Variants in NFRKB observed in about 807,000 individuals in gnomAD.
NFRKB encodes the protein nuclear factor related to kappa-B-binding protein.
In NFRKB, 62 loss-of-function variants were observed where a neutral mutation model predicts 135.7. That is an observed-to-expected ratio of 0.46 (90% CI 0.37 to 0.56). NFRKB has a LOEUF of 0.56. Among genes scored for constraint, NFRKB ranks in the 20% least tolerant of loss-of-function variants. The pLI is 0.00. For missense variants in NFRKB, 1,545 were observed against 1,662.0 expected (o/e 0.93, Z 1.22); for synonymous variants, 678 against 635.6 (o/e 1.07, Z -1.00).
chr11:129,881,954 T>C (rs1949048459), intron 11 of NFRKB, 101 bp from the exon 12 acceptor site: 5 of 1,507,322 alleles, frequency 3.3e-6, no homozygotes, highest in Non-Finnish European at 4.4e-6. Flanking sequence ...CCGGTGTTTG[T>C]CCGAATCACA....
At chr11:129,881,669 A>G in intron 12 of NFRKB, 58 bp downstream of exon 12, 2 of 1,596,286 alleles carry the variant, frequency 1.3e-6, no homozygotes, top group Non-Finnish European at 1.7e-6. Flanking sequence ...AGTTTATTCT[A>G]ATAATTAATT....
At chr11:129,888,335 A>G (rs1448453362) in intron 4 of NFRKB, 1 of 637,560 alleles carries the variant, frequency 1.6e-6, no homozygotes. Flanking sequence ...GAAATGTTTT[A>G]TTTTTTTATG....
Position 129,869,993 on chromosome 11 carries a change from T to C in NFRKB, c.3032A>G (p.His1011Arg). ...TGCATGTACTGGATTGGAAGTGACGTGTAAGGTGGCAGAGATGCCTTTGCC... is the reference window on the plus strand; with the variant it reads ...TGCATGTACTGGATTGGAAGTGACGCGTAAGGTGGCAGAGATGCCTTTGCC... ...TTGKGISATL[H>R]VTSNPVHAAD... Residue 1011 changes from histidine to arginine, a missense_variant, in exon 24 of 27, where the codon CAC (histidine) becomes CGC (arginine). By Grantham distance (29) the His-to-Arg change is conservative. Transcript: ENST00000682444. 6.2e-7 allele frequency: 1 copy of C among 1,614,190 alleles called. No homozygotes were observed. Among genetic ancestry groups the C allele is most frequent in the Non-Finnish European group, 8.5e-7 (1 of 1,180,028 alleles).
rs1042127819 is a variant in NFRKB at position 129,873,913 on chromosome 11, C to G, written c.2382G>C (p.Val794=). 6.2e-7 allele frequency: 1 copy of G among 1,613,808 alleles called. No homozygotes were observed. Among genetic ancestry groups the G allele is most frequent in the African/African-American group, 1.3e-5 (1 of 75,060 alleles). The change falls in exon 22 of 27, where the codon GTG becomes GTC. Residue 794 remains valine, a synonymous_variant. Coordinates refer to ENST00000682444, the MANE Select transcript of NFRKB (RefSeq NM_001143835.2). ...APSSQAAARV[V]SHSGSAGLSQ... ...ACAGTCCAGCAGAGCCAGAGTGGCT[C>G]ACGACCCGGGCGGCAGCCTGAGAAC...
At chr11:129,888,274 C>G in intron 4 of NFRKB, 1 of 591,014 alleles carries the variant, frequency 1.7e-6, no homozygotes, top group Non-Finnish European at 3.0e-6. Context: ...ATGGCAAGCT[C>G]TTTTTAAAAT....
chr11:129,878,231 G>A, intron 15 of NFRKB, 78 bp downstream of exon 15: 1 of 1,460,744 alleles, frequency 6.8e-7, no homozygotes, highest in African/African-American at 1.4e-5. Flanking sequence ...AGCATACCAA[G>A]AAGTATTAAC....
In NFRKB at chr11:129,895,547, C is replaced by G. The variant is rs978247990; in HGVS notation, c.-153G>C. The stretch of plus-strand genomic sequence containing the variant: ...CCCGCAGCCCTTCTCCGGCCGCGGG[C>G]TCCCAGACGCACTCGCTCCCGCAAG... On this transcript the variant is annotated 5_prime_UTR_variant, in exon 1 of 27. Transcript: ENST00000682444. 6.6e-6 allele frequency: 1 copy of G among 152,324 alleles called. No homozygotes were observed. The highest frequency in any genetic ancestry group is 1.5e-5 in the Non-Finnish European group (1 of 68,152). The allele number at this position is 152,324 out of a possible 1,614,324, so 9.4% of individuals were successfully genotyped here.
chr11:129,874,185 G>C lies in NFRKB; in HGVS notation c.2207C>G (p.Ser736Cys), dbSNP rs773667985. The change falls in exon 21 of 27, where the codon TCC becomes TGC. Residue 736 changes from serine (S) to cysteine (C), a missense_variant. Ser to Cys is a moderately radical substitution (Grantham distance 112). Around this residue, in one of 3 missense-constraint regions of NFRKB, gnomAD observed 753 missense variants for 804.3 expected, o/e 0.94. Transcript: ENST00000682444. This position sits in a 1 kb window ranked among gnomAD's most constrained non-coding sequence, Gnocchi z 4.5. ...GTTCACTGCCGATACAGGTGGAGGG[G>C]AGATGGGAATGGCGGGCAATGCTGG... The part of the protein sequence containing the change: ...TTPALPAIPI[S>C]PPPVSAVNKS... 1 of 1,521,154 alleles carries C rather than the reference G, an allele frequency of 6.6e-7. No individual in the cohort carries two copies. The highest frequency in any genetic ancestry group is 8.8e-7 in the Non-Finnish European group (1 of 1,136,286). 94.2% of individuals were successfully genotyped at this position (1,521,154 alleles called of 1,614,324 possible).
chr11:129,864,959 G>A lies in NFRKB; in HGVS notation c.3774+7C>T. ...GGATATGGCCAAGAATTTGCCCTGG[G>A]CCTTACCTGTGTGGCCTGACCTTGC... On this transcript the variant is annotated splice_region_variant and intron_variant, in intron 26 of 26. Coordinates refer to ENST00000682444, the MANE Select transcript of NFRKB (RefSeq NM_001143835.2). 1 of 1,613,412 alleles carries A rather than the reference G, an allele frequency of 6.2e-7. No individual in the cohort carries two copies. Among genetic ancestry groups the A allele is most frequent in the Non-Finnish European group, 8.5e-7 (1 of 1,179,656 alleles).
At chr11:129,880,898 T>C (rs1280110035) in intron 13 of NFRKB, among the ~76,000 whole-genome samples, 1 of 152,188 alleles carries the variant, frequency 6.6e-6, no homozygotes, top group Non-Finnish European at 1.5e-5. Flanking sequence ...TGCCTGTGAA[T>C]TTCAAGAAGA....
At chr11:129,872,731 G>C (rs1948573355) in intron 23 of NFRKB, 153 bp downstream of exon 23, 5 of 693,122 alleles carry the variant, frequency 7.2e-6, no homozygotes, top group Non-Finnish European at 1.2e-5. Flanking sequence ...CTTTGCCTTT[G>C]GTGGGAACTC....
rs1948405234 is a variant in NFRKB at position 129,869,757 on chromosome 11, T to C, written c.3268A>G (p.Ile1090Val). Residue 1090 changes from isoleucine to valine, a missense_variant, in exon 24 of 27, where the codon ATC becomes GTC. Coordinates refer to ENST00000682444, the MANE Select transcript of NFRKB (RefSeq NM_001143835.2). ...GGCATCACTCCCAGTCCCTGCACGA[T>C]GCGGATCGTGGCAGCTGGTTTTGCT... ...SEAKPAATIR[I>V]VQGLGVMPPK... is the part of the protein sequence containing the mutation. The C allele has an allele frequency of 1.9e-6, 3 of 1,614,254 alleles. No homozygotes were observed. Among genetic ancestry groups the C allele is most frequent in the Non-Finnish European group, 2.5e-6 (3 of 1,180,042 alleles).
At chr11:129,872,149 C>T (rs993242661) in intron 23 of NFRKB, among the ~76,000 whole-genome samples, 1 of 152,190 alleles carries the variant, frequency 6.6e-6, no homozygotes, top group Non-Finnish European at 1.5e-5. Context: ...GCTCTCCACC[C>T]CTGAGCCTGC....
At chr11:129,888,273 T>G in intron 4 of NFRKB, 1 of 589,564 alleles carries the variant, frequency 1.7e-6, no homozygotes, top group Non-Finnish European at 3.0e-6. Context: ...AATGGCAAGC[T>G]CTTTTTAAAA....
intron 15 of NFRKB, 75 bp from the exon 16 acceptor site, chr11:129,877,460 C>T: frequency 7.5e-7 from 1 of 1,325,562 alleles, no homozygotes; most frequent in Non-Finnish European, 1.1e-6. Flanking sequence ...GCTTCAGAAC[C>T]ATTCCCACTG....
intron 8 of NFRKB, 75 bp from the exon 9 acceptor site, chr11:129,883,281 G>A (rs554420066): frequency 5.7e-5 from 59 of 1,027,734 alleles, no homozygotes; most frequent in Non-Finnish European, 8.4e-5. Flanking sequence ...GCCAATTTAT[G>A]TAACAATTAG....
At position 129,881,488 on chromosome 11, in the gene NFRKB, G is replaced by A. The variant is rs774709632; in HGVS notation, c.1339C>T (p.Pro447Ser). 3.1e-6 allele frequency: 5 copies of A among 1,614,000 alleles called. No individual in the cohort carries two copies. The Admixed American group carries it at 6.7e-5, about 22-fold the overall frequency. ...GTTTTCTCTTTGAATTCAACAAATG[G>A]AGAGAAACTGGAAGGAACAGCTGCA... is the stretch of plus-strand genomic sequence containing the variant. ...ESRAVPSSFS[P>S]FVEFKEKTQQ... is the part of the protein sequence containing the mutation. Residue 447 changes from proline to serine, a missense_variant, in exon 13 of 27, where the codon CCA (proline) becomes TCA (serine). By Grantham distance (74) the Pro-to-Ser change is moderately conservative. Transcript: ENST00000682444.
chr11:129,894,653 G>C (rs1949695121), intron 1 of NFRKB, among the ~76,000 whole-genome samples: 1 of 152,190 alleles, frequency 6.6e-6, no homozygotes, highest in African/African-American at 2.4e-5. Flanking sequence ...TCACGTGGGT[G>C]GTCCCCAAGC....
intron 1 of NFRKB, among the ~76,000 whole-genome samples, chr11:129,894,654 G>T (rs1195817044): frequency 1.3e-5 from 2 of 152,188 alleles, no homozygotes; most frequent in African/African-American, 2.4e-5. Flanking sequence ...CACGTGGGTG[G>T]TCCCCAAGCA....
Sources: gnomAD v4.1 joint callset for allele counts (sites outside exome capture counted in the v4.1 genomes callset) on GRCh38, gnomAD v4.1.1 for gene constraint, gnomAD v4.1.1 regional missense constraint, Gnocchi (gnomAD v3.1) non-coding constraint, MANE v1.5 for transcripts, NCBI Gene and HGNC (gene_info 2026-07-23, HGNC 2026-07-21) for gene names.